BAZ2B: variants seen among roughly 807,000 people sequenced by gnomAD.
BAZ2B encodes bromodomain adjacent to zinc finger domain protein 2B.
A neutral mutation model predicts 246.0 loss-of-function variants in BAZ2B; 91 were observed. The ratio of observed to expected loss-of-function variants is 0.37; its 90% CI spans 0.31 to 0.44. The LOEUF (loss-of-function observed/expected upper bound fraction) is 0.44, where lower values mean the gene tolerates loss of function less well. BAZ2B is among the 20% of genes least tolerant of loss of function. The probability of loss-of-function intolerance (pLI) is 1.00; values close to 1 mark genes in which losing one functional copy is unlikely to be tolerated. For synonymous variants in BAZ2B, 855 were observed against 860.0 expected (o/e 0.99, Z 0.10); for missense variants, 2,332 against 2,533.7 (o/e 0.92, Z 1.71).
At chr2:159,454,094 G>A (rs2075423655) in intron 3 of BAZ2B, among the ~76,000 whole-genome samples, 1 of 151,990 alleles carries the variant, frequency 6.6e-6, no homozygotes, top group African/African-American at 2.4e-5. Context: ...CTGAGGAAGT[G>A]AGGCCAATTT....
Position 159,433,028 on chromosome 2 carries a change from T to G in BAZ2B, c.1629A>C (p.Arg543Ser). 5 of 1,614,208 alleles carry G rather than the reference T, an allele frequency of 3.1e-6. No individual in the cohort carries two copies. The highest frequency in any genetic ancestry group is 3.4e-6 in the Non-Finnish European group (4 of 1,180,020). Residue 543 changes from arginine to serine, a missense_variant, in exon 9 of 37, where the codon AGA becomes AGC. Arg to Ser is a moderately radical substitution (Grantham distance 110, BLOSUM62 -1). This residue lies in a region of BAZ2B where 651 missense variants were observed against 650.9 expected (regional missense o/e 1.00). Coordinates refer to ENST00000392783, the MANE Select transcript of BAZ2B (RefSeq NM_013450.4). ...SPVNLSTSGR[R>S]TPGNQTPVMP... ...TTACAGGTGTCTGATTGCCAGGGGTTCTTCTCCCACTTGTACTCAGATTTA... is the reference window on the plus strand; with the variant it reads ...TTACAGGTGTCTGATTGCCAGGGGTGCTTCTCCCACTTGTACTCAGATTTA...
At chr2:159,329,338 T>C (rs1211250957) in intron 34 of BAZ2B, among the ~76,000 whole-genome samples, 1 of 152,164 alleles carries the variant, frequency 6.6e-6, no homozygotes, top group African/African-American at 2.4e-5. Context: ...GTGTGTAGGT[T>C]ATATGCAAAT....
chr2:159,503,835 C>A (rs752894593), intron 2 of BAZ2B, among the ~76,000 whole-genome samples: 60 of 152,304 alleles, frequency 3.9e-4, no homozygotes, highest in Admixed American at 8.5e-4. Context: ...CCTGCCTCGG[C>A]CTCCCAAAGT....
chr2:159,394,378 CCT>C (rs765645184), intron 20 of BAZ2B, among the ~76,000 whole-genome samples: 2 of 152,078 alleles, frequency 1.3e-5, no homozygotes, highest in Non-Finnish European at 2.9e-5. Flanking sequence ...TCTCTCTTTC[CCT>C]GACTGTCATT....
rs944795847 is a variant in BAZ2B at position 159,557,246 on chromosome 2, G to A, written c.-45-1381C>T. Among the ~76,000 whole-genome samples the A allele has an allele frequency of 4.8e-5, 7 of 144,362 alleles. No individual in the cohort carries two copies. In the East Asian group the frequency reaches 6.2e-4, roughly 13 times the overall value. 94.7% of individuals were successfully genotyped at this position (144,362 alleles called of 152,430 possible). On this transcript the variant is annotated intron_variant, in intron 1 of 36. Transcript: ENST00000392783. ...TTTTTTTTTTTTTTTTTTGAGATACGGGGTCTCACCATGTTGCCCAGGCTG... is the reference window on the plus strand; with the variant it reads ...TTTTTTTTTTTTTTTTTTGAGATACAGGGTCTCACCATGTTGCCCAGGCTG...
At chr2:159,332,471 A>G in intron 34 of BAZ2B, 69 bp downstream of exon 34, 3 of 1,457,798 alleles carry the variant, frequency 2.1e-6, no homozygotes, top group South Asian at 2.7e-5. Context: ...TGGGCAACTG[A>G]GACCATGTAT....
intron 1 of BAZ2B, among the ~76,000 whole-genome samples, chr2:159,572,808 A>T (rs933727085): frequency 4.6e-5 from 7 of 152,184 alleles, no homozygotes; most frequent in African/African-American, 1.7e-4. Context: ...ACCAAAACCA[A>T]AACAAAAACA....
intron 36 of BAZ2B, among the ~76,000 whole-genome samples, chr2:159,323,278 C>T (rs1424988216): frequency 6.6e-6 from 1 of 151,992 alleles, no homozygotes; most frequent in African/African-American, 2.4e-5. Flanking sequence ...AGCCACCTTG[C>T]CTGGCCCATA....
At chr2:159,583,069 T>C (rs1312611553) in intron 1 of BAZ2B, among the ~76,000 whole-genome samples, 1 of 152,032 alleles carries the variant, frequency 6.6e-6, no homozygotes, top group Non-Finnish European at 1.5e-5. Context: ...ATATTTGTGT[T>C]ATTTTACCTG....
In BAZ2B at chr2:159,453,769, A is replaced by G. The variant is rs368956910; in HGVS notation, c.178T>C (p.Phe60Leu). The change falls in exon 4 of 37, where the codon TTT becomes CTT. Residue 60 changes from phenylalanine (F) to leucine (L), a missense_variant. This residue lies in a region of BAZ2B where 242 missense variants were observed against 237.4 expected (regional missense o/e 1.02). Transcript: ENST00000392783. ...GCACTCGACACTGTGGACAGGTTAA[A>G]CGGTTGATCCCCAGCTGTTCTGAAT... is the stretch of plus-strand genomic sequence containing the variant. ...HLFRTAGDQPFNLSTVSSAFP... is the reference protein window; with the variant it reads ...HLFRTAGDQPLNLSTVSSAFP... 7 of 1,611,070 alleles carry G rather than the reference A, an allele frequency of 4.3e-6. No homozygotes were observed. Among genetic ancestry groups the G allele is most frequent in the Non-Finnish European group, 5.9e-6 (7 of 1,178,622 alleles).
intron 1 of BAZ2B, among the ~76,000 whole-genome samples, chr2:159,575,836 G>C (rs972692756): frequency 6.6e-6 from 1 of 152,060 alleles, no homozygotes; most frequent in African/African-American, 2.4e-5. Flanking sequence ...TAACATGATT[G>C]AATATGAAAT....
the BAZ2B span, among the ~76,000 whole-genome samples, chr2:159,685,774 A>G: frequency 6.6e-6 from 1 of 152,222 alleles, no homozygotes; most frequent in Non-Finnish European, 1.5e-5. Flanking sequence ...ATAAGTCCAT[A>G]CTGTTATTAA....
At chr2:159,647,651 T>C in the BAZ2B span, among the ~76,000 whole-genome samples, 1 of 152,150 alleles carries the variant, frequency 6.6e-6, no homozygotes, top group African/African-American at 2.4e-5. Context: ...GTCATGTAGA[T>C]TTATTACTGA....
At chr2:159,597,016 G>A (rs928639313) in intron 1 of BAZ2B, among the ~76,000 whole-genome samples, 1 of 152,194 alleles carries the variant, frequency 6.6e-6, no homozygotes, top group African/African-American at 2.4e-5. Context: ...CCTACCAACA[G>A]TGTAGAAGTG....
intron 3 of BAZ2B, among the ~76,000 whole-genome samples, chr2:159,457,826 G>T (rs923242138): frequency 6.6e-6 from 1 of 151,958 alleles, no homozygotes; most frequent in Non-Finnish European, 1.5e-5. Flanking sequence ...TAAAGGAAAC[G>T]TCCTATACCT....
intron 1 of BAZ2B, among the ~76,000 whole-genome samples, chr2:159,583,707 T>G (rs189389089): frequency 6.6e-6 from 1 of 151,868 alleles, no homozygotes; most frequent in Non-Finnish European, 1.5e-5. Flanking sequence ...AAAATATAAA[T>G]AAAAAAACAT....
intron 2 of BAZ2B, among the ~76,000 whole-genome samples, chr2:159,481,165 C>A (rs949711341): frequency 2.6e-5 from 4 of 151,966 alleles, no homozygotes; most frequent in Admixed American, 6.6e-5. Context: ...AGTTTTAAGT[C>A]TTCTTTTTAA....
At position 159,385,299 on chromosome 2, in the gene BAZ2B, T is replaced by C; in HGVS notation, c.3542A>G (p.Gln1181Arg). ...TCCACAGTGGGCTTCCATAAATATC[T>C]GTAAAATCTCGGAAACATTGTCTCG... ...VNRDNVSEILQIFMEAHCGQT... is the reference protein window; with the variant it reads ...VNRDNVSEILRIFMEAHCGQT... The change falls in exon 23 of 37, where the codon CAG becomes CGG. Residue 1181 changes from glutamine to arginine, a missense_variant. Physicochemically the swap from Gln to Arg is conservative, Grantham distance 43 (BLOSUM62 1). Transcript: ENST00000392783. The C allele has an allele frequency of 1.2e-6, 2 of 1,613,510 alleles. No individual in the cohort carries two copies. Among genetic ancestry groups the C allele is most frequent in the African/African-American group, 1.3e-5 (1 of 75,006 alleles).
chr2:159,588,518 C>T (rs1422036980), intron 1 of BAZ2B, among the ~76,000 whole-genome samples: 1 of 151,676 alleles, frequency 6.6e-6, no homozygotes, highest in African/African-American at 2.4e-5. Flanking sequence ...GTAAGATCTA[C>T]ACACACACAC....
Sources: gnomAD v4.1 joint callset for allele counts (sites outside exome capture counted in the v4.1 genomes callset) on GRCh38, gnomAD v4.1.1 for gene constraint, gnomAD v4.1.1 regional missense constraint, MANE v1.5 for transcripts, NCBI Gene and HGNC (gene_info 2026-07-23, HGNC 2026-07-21) for gene names.